TMEM17: variants seen among roughly 807,000 people sequenced by gnomAD.
TMEM17 encodes transmembrane protein 17.
TMEM17 carries 15 observed loss-of-function variants against 19.1 expected under a neutral mutation model. That is an observed-to-expected ratio of 0.78 (90% CI 0.52 to 1.21). TMEM17 has a LOEUF of 1.21. TMEM17 is among the 50% of genes most tolerant of loss of function. TMEM17 has a pLI of 0.00. For synonymous variants in TMEM17, 103 were observed against 86.9 expected (o/e 1.19, Z -1.03); for missense variants, 245 against 242.3 (o/e 1.01, Z -0.07).
At chr2:62,492,559 A>G in the TMEM17 span, among the ~76,000 whole-genome samples, 1 of 152,242 alleles carries the variant, frequency 6.6e-6, no homozygotes, top group African/African-American at 2.4e-5. Context: ...TCTATTTTGT[A>G]GAAAGTTTAT....
At chr2:62,497,789 G>C (rs1679811295), downstream of TMEM17, among the ~76,000 whole-genome samples, 1 of 152,216 alleles carries the variant, frequency 6.6e-6, no homozygotes, top group Non-Finnish European at 1.5e-5. Context: ...TGTTGATGTA[G>C]GGTTAATGCG....
intron 1 of TMEM17, among the ~76,000 whole-genome samples, chr2:62,505,124 C>T (rs1457350514): frequency 1.3e-5 from 2 of 152,080 alleles, no homozygotes; most frequent in Non-Finnish European, 2.9e-5. Flanking sequence ...TTGGGAACTG[C>T]CTTTACTTTT....
the TMEM17 span, among the ~76,000 whole-genome samples, chr2:62,453,658 C>T: frequency 0.36 from 54,108 of 152,054 alleles, 10,657 homozygotes; most frequent in Non-Finnish European, 0.46. Flanking sequence ...CCTCTGTAGA[C>T]CTTTTTAAAA....
the TMEM17 span, among the ~76,000 whole-genome samples, chr2:62,493,256 G>C: frequency 6.6e-6 from 1 of 152,076 alleles, no homozygotes; most frequent in East Asian, 1.9e-4. Flanking sequence ...TCAAACTCCT[G>C]GGCTCAAGCA....
chr2:62,484,268 G>C, the TMEM17 span, among the ~76,000 whole-genome samples: 1 of 152,188 alleles, frequency 6.6e-6, no homozygotes, highest in Non-Finnish European at 1.5e-5. Flanking sequence ...CCAGGGGTTA[G>C]GGGATGTTCC....
chr2:62,500,991 A>G lies in TMEM17; in HGVS notation c.*218T>C. 2.5e-6 allele frequency: 1 copy of G among 405,694 alleles called. No homozygotes were observed. Among genetic ancestry groups the G allele is most frequent in the Non-Finnish European group, 4.3e-6 (1 of 234,072 alleles). The allele number at this position is 405,694 out of a possible 1,614,324, so 25.1% of individuals were successfully genotyped here. A position where few individuals can be genotyped will look rare whatever the true frequency, so the allele number is the denominator to read the frequency against. On this transcript the variant is annotated 3_prime_UTR_variant, in exon 4 of 4. Coordinates refer to ENST00000335390, the MANE Select transcript of TMEM17 (RefSeq NM_198276.3). ...GACAACAACATCAAAAAAAATTAAG[A>G]AATTTGGCATCAGGTGGACAACATC... is the stretch of plus-strand genomic sequence containing the variant.
chr2:62,499,462 A>C (rs1196767566), downstream of TMEM17, among the ~76,000 whole-genome samples: 1 of 152,228 alleles, frequency 6.6e-6, no homozygotes, highest in Non-Finnish European at 1.5e-5. Flanking sequence ...TAAATTCCAA[A>C]TTATTAAGAG....
At chr2:62,489,217 A>G in the TMEM17 span, among the ~76,000 whole-genome samples, 1 of 152,232 alleles carries the variant, frequency 6.6e-6, no homozygotes, top group Non-Finnish European at 1.5e-5. Context: ...CAAAATGACA[A>G]GGGAAGGAAT....
the TMEM17 span, among the ~76,000 whole-genome samples, chr2:62,456,671 G>T: frequency 6.6e-6 from 1 of 152,204 alleles, no homozygotes; most frequent in African/African-American, 2.4e-5. Flanking sequence ...TGAAATGCAC[G>T]TGGCCCCATC....
At chr2:62,497,507 C>G (rs1403165081), downstream of TMEM17, among the ~76,000 whole-genome samples, 1 of 151,934 alleles carries the variant, frequency 6.6e-6, no homozygotes, top group African/African-American at 2.4e-5. Context: ...ATTTTTTGTT[C>G]TTAACACTGA....
chr2:62,456,014 G>A, the TMEM17 span, among the ~76,000 whole-genome samples: 751 of 152,232 alleles, frequency 4.9e-3, 3 homozygotes, highest in African/African-American at 0.017. Flanking sequence ...TTGATAAAAT[G>A]TCTACGTGGC....
In TMEM17 at chr2:62,501,058, G is replaced by A; in HGVS notation, c.*151C>T. The stretch of plus-strand genomic sequence containing the variant: ...TATACTGTTTCATATACTGTACAAA[G>A]TTTCATCATTGCCCCCAACCTTGGA... On this transcript the variant is annotated 3_prime_UTR_variant, in exon 4 of 4. Transcript: ENST00000335390. 1.2e-6 allele frequency: 1 copy of A among 843,332 alleles called. No homozygotes were observed. The highest frequency in any genetic ancestry group is 1.9e-5 in the South Asian group (1 of 53,070). 52.2% of individuals were successfully genotyped at this position (843,332 alleles called of 1,614,324 possible). A position where few individuals can be genotyped will look rare whatever the true frequency, so the allele number is the denominator to read the frequency against.
At chr2:62,497,632 C>G (rs1487826487), downstream of TMEM17, among the ~76,000 whole-genome samples, 2 of 152,216 alleles carry the variant, frequency 1.3e-5, no homozygotes, top group Admixed American at 6.5e-5. Flanking sequence ...CCCCACCACA[C>G]TGCTATCACT....
At chr2:62,481,840 A>G in the TMEM17 span, among the ~76,000 whole-genome samples, 1 of 152,090 alleles carries the variant, frequency 6.6e-6, no homozygotes, top group Non-Finnish European at 1.5e-5. Context: ...CTTGGAAAAG[A>G]TAGTTGGCAA....
downstream of TMEM17, among the ~76,000 whole-genome samples, chr2:62,498,722 A>AT (rs1558720931): frequency 1.3e-5 from 1 of 77,468 alleles, no homozygotes; most frequent in Non-Finnish European, 3.3e-5. Context: ...TCTCAAAAAT[A>AT]AAATAAAATA....
the TMEM17 span, among the ~76,000 whole-genome samples, chr2:62,492,122 G>A: frequency 3.9e-5 from 6 of 152,054 alleles, no homozygotes; most frequent in African/African-American, 9.7e-5. Context: ...CTTCTAGATC[G>A]GACAGGTCTA....
At chr2:62,466,927 C>T in the TMEM17 span, among the ~76,000 whole-genome samples, 7 of 152,140 alleles carry the variant, frequency 4.6e-5, no homozygotes, top group Admixed American at 6.5e-5. Flanking sequence ...CTGGGGACTC[C>T]TTTTTCGAAA....
At chr2:62,502,855 T>G in intron 1 of TMEM17, 61 bp from the exon 2 acceptor site, 1 of 946,516 alleles carries the variant, frequency 1.1e-6, no homozygotes, top group Non-Finnish European at 1.6e-6. Flanking sequence ...TATATATATA[T>G]ATCCTATTCC....
chr2:62,493,162 T>A, the TMEM17 span, among the ~76,000 whole-genome samples: 1 of 152,266 alleles, frequency 6.6e-6, no homozygotes, highest in African/African-American at 2.4e-5. Context: ...CCAGAGTGGC[T>A]GGGACTAGGG....
Sources: gnomAD v4.1 joint callset for allele counts (sites outside exome capture counted in the v4.1 genomes callset) on GRCh38, gnomAD v4.1.1 for gene constraint, MANE v1.5 for transcripts, NCBI Gene and HGNC (gene_info 2026-07-23, HGNC 2026-07-21) for gene names.